PALB2: variants seen among roughly 807,000 people sequenced by gnomAD.
The protein encoded by PALB2 is partner and localizer of BRCA2.
Under a neutral mutation model 107.4 loss-of-function variants are expected in PALB2, and 82 were observed. The ratio of observed to expected loss-of-function variants is 0.76; its 90% CI spans 0.64 to 0.92. PALB2 has a LOEUF of 0.92. PALB2 is among the 40% of genes least tolerant of loss of function. The pLI, the probability that PALB2 is intolerant of heterozygous loss-of-function variation, is 0.00. For synonymous variants in PALB2, 489 were observed against 496.8 expected (o/e 0.98, Z 0.21); for missense variants, 1,374 against 1,379.9 (o/e 1.00, Z 0.07).
At position 23,631,117 on chromosome 16, in the gene PALB2, A is replaced by T. The variant is rs1966872635; in HGVS notation, c.1685-648T>A. On this transcript the variant is annotated intron_variant, in intron 4 of 12. Coordinates refer to ENST00000261584, the MANE Select transcript of PALB2 (RefSeq NM_024675.4). The stretch of plus-strand genomic sequence containing the variant: ...CGTCTCTACTAAAAATACAAAAAAA[A>T]AAAAAAAAAAAAATTAGCCGGGTGT... Among the ~76,000 whole-genome samples, 3 of 148,458 alleles carry T rather than the reference A, an allele frequency of 2.0e-5. No individual in the cohort carries two copies. In the South Asian group the frequency reaches 6.4e-4, roughly 31 times the overall value.
intron 10 of PALB2, among the ~76,000 whole-genome samples, chr16:23,616,005 T>C (rs997245529): frequency 6.6e-6 from 1 of 151,532 alleles, no homozygotes; most frequent in African/African-American, 2.4e-5. Context: ...AATATTTACA[T>C]TATCACTCAT....
At chr16:23,603,829 T>A (rs1035915786) in intron 12 of PALB2, among the ~76,000 whole-genome samples, 160 bp from the exon 13 acceptor site, 19 of 152,206 alleles carry the variant, frequency 1.2e-4, no homozygotes, top group African/African-American at 4.6e-4. Context: ...TGTTGGCTAT[T>A]GTGTTGCAGT....
chr16:23,632,313 A>G (rs563202338), intron 4 of PALB2, among the ~76,000 whole-genome samples: 2 of 152,170 alleles, frequency 1.3e-5, no homozygotes, highest in African/African-American at 4.8e-5. Context: ...GCATGGTGGC[A>G]GGCGCCTGTA....
intron 1 of PALB2, among the ~76,000 whole-genome samples, chr16:23,639,105 T>G (rs376658967): frequency 1.3e-5 from 2 of 152,182 alleles, no homozygotes; most frequent in African/African-American, 2.4e-5. Flanking sequence ...GCTTCTTTGC[T>G]TCAAAGGATT....
In PALB2 at chr16:23,604,504, C is replaced by T. The variant is rs533831449; in HGVS notation, c.3351-835G>A. ...ATTATTAGCCGGGTGTGGTGGCTCA[C>T]GCCTGTAATCCCAGCACTTTGGGAG... is the stretch of plus-strand genomic sequence containing the variant. On this transcript the variant is annotated intron_variant, in intron 12 of 12. Coordinates refer to ENST00000261584, the MANE Select transcript of PALB2 (RefSeq NM_024675.4). 8.5e-5 allele frequency among the ~76,000 whole-genome samples: 13 copies of T among 152,310 alleles called. No individual in the cohort carries two copies. In the South Asian group the frequency reaches 2.1e-3, roughly 24 times the overall value.
Position 23,624,166 on chromosome 16 carries a change from T to G in PALB2, c.2749-72A>C, listed in dbSNP as rs2142345347. 1 of 1,016,196 alleles carries G rather than the reference T, an allele frequency of 9.8e-7. No homozygotes were observed. The highest frequency in any genetic ancestry group is 1.5e-6 in the Non-Finnish European group (1 of 650,362). The allele number at this position is 1,016,196 out of a possible 1,614,324, so 62.9% of individuals were successfully genotyped here. A position where few individuals can be genotyped will look rare whatever the true frequency, so the allele number is the denominator to read the frequency against. ...TTGTTTAATCCAGATTTTCCAAAAT[T>G]TATCACATTCTTTTGTATTCTCACT... On this transcript the variant is annotated intron_variant, in intron 7 of 12. Transcript: ENST00000261584.
intron 10 of PALB2, 117 bp downstream of exon 10, chr16:23,621,245 A>G: frequency 1.3e-6 from 1 of 783,644 alleles, no homozygotes; most frequent in East Asian, 2.7e-5. Flanking sequence ...AGCAACACAA[A>G]ACCACAATCA....
intron 4 of PALB2, among the ~76,000 whole-genome samples, chr16:23,631,290 A>T (rs1337353339): frequency 1.4e-5 from 2 of 144,844 alleles, no homozygotes. Flanking sequence ...AAAAAAAAAA[A>T]AAAAAAAAAA....
chr16:23,620,746 G>T (rs2142323490), intron 10 of PALB2, among the ~76,000 whole-genome samples: 1 of 152,208 alleles, frequency 6.6e-6, no homozygotes, highest in South Asian at 2.1e-4. Flanking sequence ...ATATGATGTT[G>T]TTGGTAAGTC....
At chr16:23,617,095 G>A (rs533196472) in intron 10 of PALB2, among the ~76,000 whole-genome samples, 1 of 152,206 alleles carries the variant, frequency 6.6e-6, no homozygotes, top group East Asian at 1.9e-4. Context: ...GATTACAGGC[G>A]TGAGCCACCG....
At chr16:23,638,922 T>C (rs991180059) in intron 1 of PALB2, among the ~76,000 whole-genome samples, 5 of 152,154 alleles carry the variant, frequency 3.3e-5, no homozygotes, top group Admixed American at 2.0e-4. Flanking sequence ...TGCAGTGGAA[T>C]AGGTTACCTA....
At chr16:23,609,465 T>C (rs547730875) in intron 11 of PALB2, among the ~76,000 whole-genome samples, 1 of 152,106 alleles carries the variant, frequency 6.6e-6, no homozygotes. Context: ...TGTTAAATGC[T>C]ATACAGTTAA....
chr16:23,630,483 A>T lies in PALB2; in HGVS notation c.1685-14T>A, dbSNP rs780772404. On this transcript the variant is annotated splice_polypyrimidine_tract_variant and intron_variant, in intron 4 of 12. Transcript: ENST00000261584. The stretch of plus-strand genomic sequence containing the variant: ...GACTTTTCTTCCCTAAAGAAGAAAA[A>T]TAAGTCACAAAATAGTAACAAAACC... The T allele has an allele frequency of 8.9e-6, 14 of 1,580,074 alleles. No homozygotes were observed. In the South Asian group the frequency reaches 1.2e-4, roughly 14 times the overall value.
chr16:23,641,067 C>A (rs758587524), intron 1 of PALB2, 43 bp downstream of exon 1: 30 of 1,606,160 alleles, frequency 1.9e-5, no homozygotes, highest in East Asian at 1.1e-4. Context: ...CCTGGGAAAG[C>A]GGGGTCAGAG....
intron 11 of PALB2, among the ~76,000 whole-genome samples, chr16:23,611,346 T>C (rs4085481): frequency 0.074 from 11,275 of 152,060 alleles, 488 homozygotes; most frequent in East Asian, 0.17. Context: ...GGTTTCATCA[T>C]GTTGGTCAGG....
intron 4 of PALB2, among the ~76,000 whole-genome samples, chr16:23,633,981 T>G (rs1043742606): frequency 2.0e-5 from 3 of 152,134 alleles, no homozygotes; most frequent in Non-Finnish European, 2.9e-5. Flanking sequence ...AGTGCTGGGA[T>G]TACAGGGGTG....
intron 10 of PALB2, among the ~76,000 whole-genome samples, chr16:23,615,354 G>C (rs1015791631): frequency 2.0e-5 from 3 of 152,094 alleles, no homozygotes; most frequent in Non-Finnish European, 4.4e-5. Context: ...GCCCAAGCTG[G>C]AGTGTGGTGG....
At chr16:23,625,226 G>A (rs565416858) in intron 7 of PALB2, among the ~76,000 whole-genome samples, 10 of 151,748 alleles carry the variant, frequency 6.6e-5, no homozygotes, top group Non-Finnish European at 8.8e-5. Flanking sequence ...CCAGCTACTC[G>A]GGAGGCTGAG....
rs1060499814 is a variant in PALB2 at position 23,638,069 on chromosome 16, C to T, written c.108+1G>A. On this transcript the variant is annotated splice_donor_variant, in intron 2 of 12. Transcript: ENST00000261584. LOFTEE classifies it high-confidence loss of function. ...TTAATTTGAGAATACGATTCACTTA[C>T]CTGAAGGCGGGCTAGTGTCTTGCTG... is the stretch of plus-strand genomic sequence containing the variant. 6.2e-7 allele frequency: 1 copy of T among 1,613,510 alleles called. No individual in the cohort carries two copies. Among genetic ancestry groups the T allele is most frequent in the Admixed American group, 1.7e-5 (1 of 59,986 alleles).
Sources: allele counts gnomAD v4.1 joint callset (sites outside exome capture counted in the v4.1 genomes callset), GRCh38; gene constraint gnomAD v4.1.1; transcripts MANE v1.5; gene names NCBI Gene and HGNC (gene_info 2026-07-23, HGNC 2026-07-21).